PRKACA: variants seen among roughly 807,000 people sequenced by gnomAD.
PRKACA encodes cAMP-dependent protein kinase catalytic subunit alpha.
A neutral mutation model predicts 45.8 loss-of-function variants in PRKACA; 9 were observed. That is an observed-to-expected ratio of 0.20 (90% CI 0.12 to 0.34). PRKACA has a LOEUF of 0.34. PRKACA is among the 10% of genes least tolerant of loss of function. The pLI, the probability that PRKACA is intolerant of heterozygous loss-of-function variation, is 1.00. For synonymous variants in PRKACA, 160 were observed against 178.6 expected, an observed-to-expected ratio of 0.90 and a Z score of 0.83; for missense variants, 238 against 458.6, an observed-to-expected ratio of 0.52 and a Z score of 4.39.
At chr19:14,096,871 C>G in intron 8 of PRKACA, 1 of 258,258 alleles carries the variant, frequency 3.9e-6, no homozygotes, top group Non-Finnish European at 7.6e-6. Flanking sequence ...TAGATGTGAG[C>G]TGAGATGGCT....
At chr19:14,102,771 G>T in intron 4 of PRKACA, 45 bp downstream of exon 4, 1 of 1,526,466 alleles carries the variant, frequency 6.6e-7, no homozygotes, top group Non-Finnish European at 9.1e-7. Context: ...CAGAAGGCTG[G>T]GACCCAATGC....
intron 4 of PRKACA, chr19:14,101,223 C>A (rs1275913214): frequency 3.4e-6 from 1 of 290,608 alleles, no homozygotes; most frequent in Non-Finnish European, 6.7e-6. Context: ...TCATGATAGG[C>A]TGCAGAATTA....
At chr19:14,107,729 G>GGTATT (rs1568536070) in intron 1 of PRKACA, 10 of 1,101,894 alleles carry the variant, frequency 9.1e-6, no homozygotes, top group Non-Finnish European at 1.1e-6. Context: ...CATGGCCAGG[G>GGTATT]CCGACGCCAG....
At chr19:14,114,160 C>T (rs1198607641) in intron 1 of PRKACA, 11 of 1,611,342 alleles carry the variant, frequency 6.8e-6, no homozygotes, top group Middle Eastern at 1.7e-4. Flanking sequence ...AGCCATCACT[C>T]AGTCCTGTTC....
chr19:14,099,758 A>G (rs936642972), intron 5 of PRKACA, among the ~76,000 whole-genome samples: 13 of 151,720 alleles, frequency 8.6e-5, no homozygotes, highest in African/African-American at 2.2e-4. Flanking sequence ...ATTTCTGTAT[A>G]TAGATTTATT....
intron 2 of PRKACA, 69 bp from the exon 3 acceptor site, chr19:14,106,957 C>T (rs1599345530): frequency 6.3e-7 from 1 of 1,580,890 alleles, no homozygotes; most frequent in Non-Finnish European, 8.6e-7. Flanking sequence ...AGGTCTGGGG[C>T]ATCCCCTCTG....
intron 9 of PRKACA, 150 bp downstream of exon 9, chr19:14,093,478 A>T: frequency 8.7e-7 from 1 of 1,150,014 alleles, no homozygotes; most frequent in Non-Finnish European, 1.2e-6. Context: ...AAATGACCCC[A>T]GAATCCCATT....
chr19:14,110,151 A>C (rs750733062), intron 1 of PRKACA, among the ~76,000 whole-genome samples: 2 of 150,644 alleles, frequency 1.3e-5, no homozygotes, highest in Non-Finnish European at 3.0e-5. Flanking sequence ...CTCTACAAAA[A>C]ATAAAACAAT....
intron 4 of PRKACA, among the ~76,000 whole-genome samples, chr19:14,101,995 C>T (rs929939089): frequency 6.6e-6 from 1 of 152,034 alleles, no homozygotes; most frequent in Non-Finnish European, 1.5e-5. Flanking sequence ...AAAATCCTGT[C>T]TCTACTAAAA....
intron 4 of PRKACA, among the ~76,000 whole-genome samples, chr19:14,101,687 C>G (rs1018887318): frequency 6.6e-6 from 1 of 151,438 alleles, no homozygotes; most frequent in African/African-American, 2.4e-5. Context: ...ATGGGGAAAC[C>G]CTGTCTCTAC....
intron 5 of PRKACA, chr19:14,098,092 A>T (rs1028618650): frequency 1.7e-6 from 1 of 591,560 alleles, no homozygotes; most frequent in Non-Finnish European, 2.9e-6. Context: ...ACTGAGCTAT[A>T]GTCATACAAT....
chr19:14,108,080 C>T lies in PRKACA; in HGVS notation c.47-671G>A, dbSNP rs1977666433. On this transcript the variant is annotated intron_variant, in intron 1 of 9. Coordinates refer to ENST00000308677, the MANE Select transcript of PRKACA (RefSeq NM_002730.4). ...ACTCACTCGGCAACCTGCCTTGTAT[C>T]CATTGTCTCCACTTAACAACCCAGG... is the stretch of plus-strand genomic sequence containing the variant. 11 of 985,582 alleles carry T rather than the reference C, an allele frequency of 1.1e-5. No homozygotes were observed. The Middle Eastern group carries it at 2.6e-3, about 234-fold the overall frequency. The allele number at this position is 985,582 out of a possible 1,614,324, so 61.1% of individuals were successfully genotyped here.
intron 1 of PRKACA, among the ~76,000 whole-genome samples, chr19:14,108,732 T>G (rs933843937): frequency 4.1e-5 from 6 of 148,050 alleles, no homozygotes; most frequent in Non-Finnish European, 9.0e-5. Context: ...TTAATTATTA[T>G]TATTTTTTTT....
At chr19:14,109,282 A>C (rs1449373865) in intron 1 of PRKACA, among the ~76,000 whole-genome samples, 1 of 151,766 alleles carries the variant, frequency 6.6e-6, no homozygotes, top group Non-Finnish European at 1.5e-5. Flanking sequence ...CAGGAGTTCA[A>C]GACCAGCGTG....
intron 1 of PRKACA, 158 bp from the exon 2 acceptor site, chr19:14,107,567 C>T (rs879342165): frequency 2.2e-5 from 29 of 1,312,366 alleles, no homozygotes; most frequent in Non-Finnish European, 2.9e-5. Flanking sequence ...GGGCCGTGGC[C>T]TGGGCCTCCC....
chr19:14,103,503 C>T (rs750477206), intron 3 of PRKACA, among the ~76,000 whole-genome samples: 2 of 152,128 alleles, frequency 1.3e-5, no homozygotes, highest in Admixed American at 6.5e-5. Context: ...GCTGGGAGTA[C>T]GCCAGTTTGG....
chr19:14,103,824 G>T (rs932091843), intron 3 of PRKACA, among the ~76,000 whole-genome samples: 4 of 152,144 alleles, frequency 2.6e-5, no homozygotes, highest in Non-Finnish European at 5.9e-5. Flanking sequence ...CCAGCACTTT[G>T]GGAGGCCCAG....
In PRKACA at chr19:14,093,545, C is replaced by T; in HGVS notation, c.930+83G>A. On this transcript the variant is annotated intron_variant, in intron 9 of 9. Transcript: ENST00000308677. ...TAGGTTGCTCCTGAACCTGTGTTCTCTTCTCTATTTCTCTATTGGCTGTCC... is the reference window on the plus strand; with the variant it reads ...TAGGTTGCTCCTGAACCTGTGTTCTTTTCTCTATTTCTCTATTGGCTGTCC... 3 of 1,500,650 alleles carry T rather than the reference C, an allele frequency of 2.0e-6. No homozygotes were observed. The South Asian group carries it at 3.9e-5, about 19-fold the overall frequency. 93.0% of individuals were successfully genotyped at this position (1,500,650 alleles called of 1,614,324 possible).
intron 4 of PRKACA, among the ~76,000 whole-genome samples, chr19:14,102,424 G>A (rs991853929): frequency 1.3e-5 from 2 of 152,154 alleles, no homozygotes; most frequent in African/African-American, 2.4e-5. Flanking sequence ...ATTTTACCAT[G>A]AGAAAGCTGA....
Sources: allele counts gnomAD v4.1 joint callset (sites outside exome capture counted in the v4.1 genomes callset), GRCh38; gene constraint gnomAD v4.1.1; transcripts MANE v1.5; gene names NCBI Gene and HGNC (gene_info 2026-07-23, HGNC 2026-07-21).